Variants in CRYM observed in about 807,000 individuals in gnomAD.
The protein encoded by CRYM is ketimine reductase mu-crystallin.
CRYM carries 18 observed loss-of-function variants against 32.9 expected under a neutral mutation model. The observed-to-expected ratio is 0.55, with a 90% confidence interval of 0.38 to 0.81. The LOEUF (loss-of-function observed/expected upper bound fraction) is 0.81, where lower values mean the gene tolerates loss of function less well. CRYM is among the 30% of genes least tolerant of loss of function. The pLI is 0.00. For synonymous variants in CRYM, 153 were observed against 152.4 expected, an observed-to-expected ratio of 1.00 and a Z score of -0.03; for missense variants, 337 against 393.5, an observed-to-expected ratio of 0.86 and a Z score of 1.21.
chr16:21,263,714 A>G (rs1394618483), intron 5 of CRYM, among the ~76,000 whole-genome samples: 1 of 152,262 alleles, frequency 6.6e-6, no homozygotes, highest in Admixed American at 6.5e-5. Context: ...GCACCAGGAC[A>G]CAGGAGAATG....
upstream of CRYM, among the ~76,000 whole-genome samples, chr16:21,280,828 G>A (rs1446923050): frequency 6.6e-6 from 1 of 152,142 alleles, no homozygotes; most frequent in Non-Finnish European, 1.5e-5. Context: ...ACATGGCTTG[G>A]GCACAGTGGC....
At position 21,270,025 on chromosome 16, in the gene CRYM, A is replaced by C. The variant is rs931437480; in HGVS notation, c.388-134T>G. ...TCAAGAGCTTGCAGGCAATCAAGAG[A>C]ATTTCCTTTTGTGTCTAGTTTCCCC... is the stretch of plus-strand genomic sequence containing the variant. On this transcript the variant is annotated intron_variant, in intron 3 of 7. Transcript: ENST00000572914. The C allele has an allele frequency of 1.8e-5, 13 of 703,260 alleles. No individual in the cohort carries two copies. The African/African-American group carries it at 2.1e-4, about 11-fold the overall frequency. 43.6% of individuals were successfully genotyped at this position (703,260 alleles called of 1,614,324 possible).
At chr16:21,264,328 A>G (rs999730783) in intron 5 of CRYM, among the ~76,000 whole-genome samples, 2 of 152,206 alleles carry the variant, frequency 1.3e-5, no homozygotes, top group African/African-American at 4.8e-5. Context: ...TTTCCCCTGC[A>G]CAACCACTGC....
At chr16:21,261,169 C>G (rs2093353616) in intron 7 of CRYM, 85 bp downstream of exon 7, 1 of 973,818 alleles carries the variant, frequency 1.0e-6, no homozygotes, top group African/African-American at 1.6e-5. Context: ...GCTGCAGAGT[C>G]TGGTGACTCA....
intron 3 of CRYM, among the ~76,000 whole-genome samples, chr16:21,271,882 A>G (rs940379207): frequency 6.6e-6 from 1 of 151,426 alleles, no homozygotes; most frequent in African/African-American, 2.4e-5. Flanking sequence ...TTTTTCCGAG[A>G]CAGTCTCGCT....
At position 21,277,712 on chromosome 16, in the gene CRYM, C is replaced by T. The variant is rs2093389854; in HGVS notation, c.171-128G>A. On this transcript the variant is annotated intron_variant, in intron 1 of 7. Coordinates refer to ENST00000572914, the MANE Select transcript of CRYM (RefSeq NM_001376256.1). This position sits in a 1 kb window ranked among gnomAD's most constrained non-coding sequence, Gnocchi z 4.2. ...ACTGGCCCTCTTCCAGCCCCCGCATCCCTCTGCCCTTCCCTTAGACACTAT... is the reference window on the plus strand; with the variant it reads ...ACTGGCCCTCTTCCAGCCCCCGCATTCCTCTGCCCTTCCCTTAGACACTAT... The T allele has an allele frequency of 4.9e-6, 5 of 1,022,860 alleles. No individual in the cohort carries two copies. The East Asian group carries it at 1.3e-4, about 26-fold the overall frequency. 63.4% of individuals were successfully genotyped at this position (1,022,860 alleles called of 1,614,324 possible).
At chr16:21,276,497 A>G (rs1338055438) in intron 2 of CRYM, among the ~76,000 whole-genome samples, 1 of 152,238 alleles carries the variant, frequency 6.6e-6, no homozygotes, top group Non-Finnish European at 1.5e-5. Context: ...AGACCTTAAG[A>G]GTTAACTGTC....
chr16:21,296,515 G>A (rs944500383), intron 1 of CRYM, among the ~76,000 whole-genome samples: 2 of 152,020 alleles, frequency 1.3e-5, no homozygotes, highest in Non-Finnish European at 2.9e-5. Flanking sequence ...TCATTGAAAG[G>A]GCAACCAGTA....
At position 21,277,746 on chromosome 16, in the gene CRYM, T is replaced by C. The variant is rs991342518; in HGVS notation, c.171-162A>G. Among the ~76,000 whole-genome samples the C allele has an allele frequency of 1.1e-4, 17 of 152,268 alleles. No individual in the cohort carries two copies. The highest frequency in any genetic ancestry group is 6.8e-3 in the Middle Eastern group (2 of 294). On this transcript the variant is annotated intron_variant, in intron 1 of 7. Coordinates refer to ENST00000572914, the MANE Select transcript of CRYM (RefSeq NM_001376256.1). The surrounding 1 kb of genome is among the most constrained non-coding windows in gnomAD (Gnocchi z 4.2). Reference sequence around the variant, plus strand: ...CTTCCCTTAGACACTATGCACAGTATGTTCAGAAGTCTGGCTCTGGATCAG... The same window carrying C: ...CTTCCCTTAGACACTATGCACAGTACGTTCAGAAGTCTGGCTCTGGATCAG...
rs226045 is a variant in CRYM, at chr16:21,275,606, A to G, written c.325-12T>C. The G allele has an allele frequency of 0.25, 396,695 of 1,609,228 alleles. 52,194 individuals are homozygous for G. The highest frequency in any genetic ancestry group is 0.36 in the African/African-American group (27,002 of 74,852). On this transcript the variant is annotated splice_polypyrimidine_tract_variant and intron_variant, in intron 2 of 7. Transcript: ENST00000572914. ...TTTCCATCCATGACCTTGGAGGAAA[A>G]GAGAGACAGTGAGCAAGGGGAACCC...
chr16:21,273,536 T>C (rs1597619412), intron 3 of CRYM, among the ~76,000 whole-genome samples: 1 of 152,186 alleles, frequency 6.6e-6, no homozygotes, highest in Non-Finnish European at 1.5e-5. Flanking sequence ...TGATCCTCAC[T>C]CTGTGATTTT....
rs1256471158 is a variant in CRYM, at chr16:21,261,299, C to A, written c.835G>T (p.Val279Leu). 4 of 1,614,008 alleles carry A rather than the reference C, an allele frequency of 2.5e-6. No homozygotes were observed. In the African/African-American group the frequency reaches 5.3e-5, roughly 22 times the overall value. ...GTCTTCTCACAGTGGGCTGGTTTCA[C>A]TCCCTTAATCACTTCTCCCAGCTCA... is the stretch of plus-strand genomic sequence containing the variant. ...FAELGEVIKG[V>L]KPAHCEKTTV... The change falls in exon 7 of 8, where the codon GTG becomes TTG. Residue 279 changes from valine (V) to leucine (L), a missense_variant. Val to Leu is a conservative substitution (Grantham distance 32, BLOSUM62 1). Transcript: ENST00000572914.
chr16:21,302,343 C>G (rs530718352), intron 1 of CRYM, among the ~76,000 whole-genome samples: 24 of 152,200 alleles, frequency 1.6e-4, no homozygotes, highest in Non-Finnish European at 2.6e-4. Context: ...CTGATACTTA[C>G]ATTGCGAGAA....
rs1380549174 is a variant in CRYM, at chr16:21,264,139, G to A, written c.674-1981C>T. Among the ~76,000 whole-genome samples the A allele has an allele frequency of 3.9e-5, 6 of 152,040 alleles. 1 individual carries two copies. The highest frequency in any genetic ancestry group is 4.2e-4 in the South Asian group (2 of 4,816). ...CCGTTTTCTCCCTTTGTTCCCTCCC[G>A]TTCTGTTCTCCCTCATTCTAATTTC... On this transcript the variant is annotated intron_variant, in intron 5 of 7. Transcript: ENST00000572914.
chr16:21,263,785 C>T (rs1463672582), intron 5 of CRYM, among the ~76,000 whole-genome samples: 2 of 152,178 alleles, frequency 1.3e-5, no homozygotes, highest in East Asian at 3.9e-4. Flanking sequence ...CAAAGCTGGT[C>T]AGAGGGACTG....
intron 6 of CRYM, 125 bp from the exon 7 acceptor site, chr16:21,261,463 AAGAG>A (rs1456087362): frequency 3.6e-5 from 26 of 714,506 alleles, no homozygotes; most frequent in Middle Eastern, 3.1e-4. Context: ...AAAAAAAAAA[AAGAG>A]AGAGATCCTT....
intron 3 of CRYM, among the ~76,000 whole-genome samples, chr16:21,270,197 G>A (rs1410369391): frequency 6.6e-6 from 1 of 152,302 alleles, no homozygotes. Context: ...AAGAGACTGA[G>A]GTTGCCCTGG....
At chr16:21,261,204 C>A (rs1316490233) in intron 7 of CRYM, 50 bp downstream of exon 7, 1 of 1,427,948 alleles carries the variant, frequency 7.0e-7, no homozygotes, top group Non-Finnish European at 9.9e-7. Flanking sequence ...AATGGGTGAA[C>A]CTGCCTTGTG....
At chr16:21,292,469 C>G (rs1290337624) in intron 1 of CRYM, among the ~76,000 whole-genome samples, 1 of 152,064 alleles carries the variant, frequency 6.6e-6, no homozygotes, top group Non-Finnish European at 1.5e-5. Context: ...TCAGAAGACT[C>G]AATATTTTTA....
Sources: gnomAD v4.1 joint callset for allele counts (sites outside exome capture counted in the v4.1 genomes callset) on GRCh38, gnomAD v4.1.1 for gene constraint, Gnocchi (gnomAD v3.1) non-coding constraint, MANE v1.5 for transcripts, NCBI Gene and HGNC (gene_info 2026-07-23, HGNC 2026-07-21) for gene names.